Variants in UNC79 observed in about 807,000 individuals in gnomAD.
UNC79 encodes unc-79 subunit of NALCN channel complex.
In UNC79, 37 loss-of-function variants were observed where a neutral mutation model predicts 283.1. That is an observed-to-expected ratio of 0.13 (90% CI 0.10 to 0.17). The LOEUF is 0.17. UNC79 is among the 10% of genes least tolerant of loss of function. The pLI is 1.00. For synonymous variants in UNC79, 1,107 were observed against 1,200.2 expected, an observed-to-expected ratio of 0.92 and a Z score of 1.61; for missense variants, 2,272 against 3,211.1, an observed-to-expected ratio of 0.71 and a Z score of 7.07.
chr14:93,580,489 G>A (rs1014725329), intron 19 of UNC79, 113 bp downstream of exon 19: 78 of 1,070,644 alleles, frequency 7.3e-5, no homozygotes, highest in Middle Eastern at 2.8e-4. Flanking sequence ...TGGGTTATAC[G>A]TGAGACTGTG....
chr14:93,449,097 C>G (rs1371640656), intron 1 of UNC79, among the ~76,000 whole-genome samples: 1 of 152,064 alleles, frequency 6.6e-6, no homozygotes, highest in Non-Finnish European at 1.5e-5. Flanking sequence ...GCAGTCTGTC[C>G]CCATCCTTTC....
At chr14:93,600,840 CA>C in intron 25 of UNC79, 70 bp downstream of exon 25, 2 of 1,537,900 alleles carry the variant, frequency 1.3e-6, no homozygotes, top group Non-Finnish European at 1.8e-6. Context: ...AAACAGAAGA[CA>C]TTGGCATGTC....
At chr14:93,608,698 T>C (rs905505002) in intron 26 of UNC79, among the ~76,000 whole-genome samples, 3 of 152,224 alleles carry the variant, frequency 2.0e-5, no homozygotes, top group African/African-American at 7.2e-5. Context: ...TTTCTTCCTC[T>C]ACCTAATTGT....
intron 14 of UNC79, among the ~76,000 whole-genome samples, chr14:93,547,601 C>T (rs2061665905): frequency 6.6e-6 from 1 of 152,094 alleles, no homozygotes; most frequent in South Asian, 2.1e-4. Flanking sequence ...TAGGGAGCAA[C>T]ACAATTGTAA....
At chr14:93,407,949 C>T (rs2055260588) in intron 1 of UNC79, among the ~76,000 whole-genome samples, 2 of 152,104 alleles carry the variant, frequency 1.3e-5, no homozygotes, top group South Asian at 4.1e-4. Context: ...CAGTTATAGC[C>T]AACATTAAGC....
Position 93,597,837 on chromosome 14 carries a change from T to C in UNC79, c.3372+297T>C, listed in dbSNP as rs564084758. ...CTCAAAGCCCCACCTCCTAATACTA[T>C]CATATTGGTGATTTAGTTTCAACAG... On this transcript the variant is annotated intron_variant, in intron 24 of 48. Transcript: ENST00000555664. Among the ~76,000 whole-genome samples, 19 of 152,252 alleles carry C rather than the reference T, an allele frequency of 1.2e-4. No homozygotes were observed. The East Asian group carries it at 3.1e-3, about 25-fold the overall frequency.
chr14:93,504,878 CTGCTATGCTGATTCCTAAATCCTG>C (rs2059452916), intron 7 of UNC79, among the ~76,000 whole-genome samples: 1 of 152,154 alleles, frequency 6.6e-6, no homozygotes, highest in African/African-American at 2.4e-5. Context: ...TTAAATCTCA[CTGCTATGCTGATTCCTAAATCCTG>C]TGCTATGCTG....
chr14:93,522,025 A>G (rs994109355), intron 7 of UNC79, among the ~76,000 whole-genome samples: 11 of 151,990 alleles, frequency 7.2e-5, no homozygotes, highest in Middle Eastern at 3.4e-3. Flanking sequence ...TGTGGCTTTT[A>G]TGAACTTAAA....
exon 41 of UNC79, chr14:93,673,453 C>G: frequency 1.9e-6 from 3 of 1,609,314 alleles, no homozygotes; most frequent in Non-Finnish European, 2.5e-6. Flanking sequence ...TCTGCTTGTT[C>G]AGGTAAGCTC....
intron 1 of UNC79, among the ~76,000 whole-genome samples, chr14:93,421,801 C>T (rs1038935133): frequency 6.9e-6 from 1 of 145,230 alleles, no homozygotes; most frequent in African/African-American, 2.5e-5. Flanking sequence ...AAAACAAGAA[C>T]ATTTATCATG....
chr14:93,418,693 C>T (rs1595452150), intron 1 of UNC79, among the ~76,000 whole-genome samples: 1 of 151,880 alleles, frequency 6.6e-6, no homozygotes, highest in East Asian at 1.9e-4. Flanking sequence ...AGCTTCCCGC[C>T]TGCTTTGTTT....
chr14:93,464,023 C>T (rs1332474848), intron 1 of UNC79, among the ~76,000 whole-genome samples: 1 of 152,026 alleles, frequency 6.6e-6, no homozygotes, highest in African/African-American at 2.4e-5. Flanking sequence ...GTGGTGGGCA[C>T]CTGTAGTCCC....
intron 1 of UNC79, among the ~76,000 whole-genome samples, chr14:93,355,261 T>C (rs2054063205): frequency 6.6e-6 from 1 of 152,034 alleles, no homozygotes; most frequent in Non-Finnish European, 1.5e-5. Flanking sequence ...TGGCACGTTC[T>C]CAGCTCACTC....
rs754758438 is a variant in UNC79 at position 93,653,869 on chromosome 14, G to A, written c.6196+15G>A. On this transcript the variant is annotated intron_variant, in intron 36 of 48. Coordinates refer to ENST00000555664, the Ensembl canonical transcript of UNC79. Reference sequence around the variant, plus strand: ...CACGATCAAAGGTAATTCATCCACTGAGGATCCAGGCACCACAAATTTGCC... The same window carrying A: ...CACGATCAAAGGTAATTCATCCACTAAGGATCCAGGCACCACAAATTTGCC... The A allele has an allele frequency of 1.9e-6, 3 of 1,614,108 alleles. No homozygotes were observed. Among genetic ancestry groups the A allele is most frequent in the East Asian group, 2.2e-5 (1 of 44,876 alleles).
intron 1 of UNC79, chr14:93,348,062 CCTT>C (rs773528681): frequency 1.2e-5 from 20 of 1,612,804 alleles, no homozygotes; most frequent in African/African-American, 2.7e-5. Flanking sequence ...TTTTTTACGA[CCTT>C]CTTAACACCA....
intron 40 of UNC79, among the ~76,000 whole-genome samples, chr14:93,669,552 A>G (rs2072607918): frequency 6.6e-6 from 1 of 152,268 alleles, no homozygotes; most frequent in African/African-American, 2.4e-5. Context: ...ACACCCCCAT[A>G]GTAACTTTCC....
intron 1 of UNC79, among the ~76,000 whole-genome samples, chr14:93,350,214 A>G (rs1180725288): frequency 6.6e-6 from 1 of 152,068 alleles, no homozygotes; most frequent in Admixed American, 6.5e-5. Context: ...TAATTCTTAT[A>G]TAATTCTAAA....
intron 14 of UNC79, among the ~76,000 whole-genome samples, chr14:93,552,136 G>A (rs140426630): frequency 6.6e-6 from 1 of 152,298 alleles, no homozygotes; most frequent in African/African-American, 2.4e-5. Context: ...AAATGCCTAA[G>A]TCCAGTTTAA....
intron 1 of UNC79, among the ~76,000 whole-genome samples, chr14:93,374,599 C>G (rs76209175): frequency 0.086 from 13,153 of 152,186 alleles, 624 homozygotes; most frequent in African/African-American, 0.12. Flanking sequence ...CGTACAATGG[C>G]ATGATCATGG....
Sources: allele counts gnomAD v4.1 joint callset (sites outside exome capture counted in the v4.1 genomes callset), GRCh38; gene constraint gnomAD v4.1.1; transcripts MANE v1.5; gene names NCBI Gene and HGNC (gene_info 2026-07-23, HGNC 2026-07-21).